SLC38A1: variants seen among roughly 807,000 people sequenced by gnomAD.
The protein encoded by SLC38A1 is solute carrier family 38 member 1.
In SLC38A1, 18 loss-of-function variants were observed where a neutral mutation model predicts 60.3. The observed-to-expected ratio is 0.30, with a 90% CI of 0.21 to 0.44. SLC38A1 has a LOEUF of 0.44. Ranked by LOEUF, SLC38A1 falls within the 20% of genes least tolerant of loss-of-function variation. SLC38A1 has a pLI of 1.00. For synonymous variants in SLC38A1, 196 were observed against 212.1 expected (o/e 0.92, Z 0.66); for missense variants, 448 against 587.2 (o/e 0.76, Z 2.45).
At chr12:46,210,151 G>A (rs550281085) in intron 5 of SLC38A1, among the ~76,000 whole-genome samples, 1 of 152,292 alleles carries the variant, frequency 6.6e-6, no homozygotes, top group South Asian at 2.1e-4. Context: ...CAGCACACCT[G>A]TTGAAGGCTG....
chr12:46,250,243 A>G (rs913020597), intron 1 of SLC38A1, among the ~76,000 whole-genome samples: 2 of 152,198 alleles, frequency 1.3e-5, no homozygotes, highest in African/African-American at 4.8e-5. Flanking sequence ...AAACCACATG[A>G]TTATCTCAAT....
chr12:46,209,247 T>A, intron 5 of SLC38A1, 120 bp from the exon 6 acceptor site: 1 of 612,666 alleles, frequency 1.6e-6, no homozygotes, highest in Admixed American at 3.6e-5. Flanking sequence ...AGTATCCAAA[T>A]TTTGGAACCT....
chr12:46,268,795 G>T lies in SLC38A1; in HGVS notation c.-478C>A, dbSNP rs1371887145. 2.5e-6 allele frequency: 1 copy of T among 399,634 alleles called. No homozygotes were observed. The highest frequency in any genetic ancestry group is 5.3e-6 in the Non-Finnish European group (1 of 189,870). 24.8% of individuals were successfully genotyped at this position (399,634 alleles called of 1,614,324 possible). A position where few individuals can be genotyped will look rare whatever the true frequency, so the allele number is the denominator to read the frequency against. On this transcript the variant is annotated 5_prime_UTR_variant, in exon 1 of 17. Coordinates refer to ENST00000398637, the MANE Select transcript of SLC38A1 (RefSeq NM_030674.4). This position sits in a 1 kb window ranked among gnomAD's most constrained non-coding sequence, Gnocchi z 4.4. ...CTCGCCTGGCTCTCCTCCTTTCCGG[G>T]CCGATTGCATCAGAATCTCCCCTCA...
chr12:46,256,617 A>G (rs541229718), intron 1 of SLC38A1, among the ~76,000 whole-genome samples: 1,850 of 106,586 alleles, frequency 0.017, 21 homozygotes, highest in Non-Finnish European at 0.025. Flanking sequence ...GCGCGCGCAC[A>G]CACACACACA....
At chr12:46,245,432 G>A (rs1326893135) in intron 1 of SLC38A1, among the ~76,000 whole-genome samples, 1 of 152,138 alleles carries the variant, frequency 6.6e-6, no homozygotes, top group Non-Finnish European at 1.5e-5. Flanking sequence ...ACAGCTCTTA[G>A]GACAGCCATT....
chr12:46,196,640 C>T (rs1228962811), intron 16 of SLC38A1, among the ~76,000 whole-genome samples: 3 of 152,152 alleles, frequency 2.0e-5, no homozygotes. Flanking sequence ...TGCTGCTTTT[C>T]CTAAATGCAC....
intron 1 of SLC38A1, among the ~76,000 whole-genome samples, chr12:46,253,793 T>G (rs1291159206): frequency 6.6e-6 from 1 of 152,150 alleles, no homozygotes; most frequent in Non-Finnish European, 1.5e-5. Flanking sequence ...CCCTTAATCC[T>G]AAGGGCTGCA....
intron 1 of SLC38A1, among the ~76,000 whole-genome samples, chr12:46,251,159 G>T (rs1404653868): frequency 2.0e-5 from 3 of 152,140 alleles, no homozygotes; most frequent in Non-Finnish European, 4.4e-5. Flanking sequence ...ATGGACCAAT[G>T]GAACAGAACA....
chr12:46,234,016 T>A (rs1045561863), intron 3 of SLC38A1, among the ~76,000 whole-genome samples: 1 of 152,222 alleles, frequency 6.6e-6, no homozygotes, highest in Non-Finnish European at 1.5e-5. Flanking sequence ...AAGATGGCAG[T>A]AGGAATTCAC....
chr12:46,189,849 C>T (rs1343900122), intron 16 of SLC38A1, among the ~76,000 whole-genome samples: 2 of 152,076 alleles, frequency 1.3e-5, no homozygotes, highest in East Asian at 1.9e-4. Context: ...TCCTTGTTTG[C>T]CCTCCGCTAT....
At chr12:46,210,177 C>T (rs1592089388) in intron 5 of SLC38A1, among the ~76,000 whole-genome samples, 1 of 152,194 alleles carries the variant, frequency 6.6e-6, no homozygotes, top group South Asian at 2.1e-4. Flanking sequence ...GGCCCCAGCT[C>T]AGATGCCAAC....
Position 46,256,288 on chromosome 12 carries a change from T to A in SLC38A1, c.-209+12238A>T, listed in dbSNP as rs1003675202. 2.6e-5 allele frequency among the ~76,000 whole-genome samples: 4 copies of A among 152,046 alleles called. No homozygotes were observed. The East Asian group carries it at 7.7e-4, about 29-fold the overall frequency. On this transcript the variant is annotated intron_variant, in intron 1 of 16. Transcript: ENST00000398637. Reference sequence around the variant, plus strand: ...TTATTTTACCAGTAATCTTTAAAACTGTTTTTATTTCCCAAAGATTACTTA... The same window carrying A: ...TTATTTTACCAGTAATCTTTAAAACAGTTTTTATTTCCCAAAGATTACTTA...
chr12:46,200,335 A>G (rs1027261201), intron 13 of SLC38A1, among the ~76,000 whole-genome samples: 20 of 152,050 alleles, frequency 1.3e-4, no homozygotes, highest in African/African-American at 4.8e-4. Context: ...GTCCCAAAGA[A>G]TTATTATTTA....
At chr12:46,199,921 C>A (rs531778578) in intron 13 of SLC38A1, among the ~76,000 whole-genome samples, 1 of 152,192 alleles carries the variant, frequency 6.6e-6, no homozygotes, top group Non-Finnish European at 1.5e-5. Flanking sequence ...TAATACCAAT[C>A]TCACTAGTTC....
chr12:46,252,973 A>C (rs1167359543), intron 1 of SLC38A1, among the ~76,000 whole-genome samples: 1 of 148,364 alleles, frequency 6.7e-6, no homozygotes, highest in South Asian at 2.2e-4. Context: ...GCATGATCTC[A>C]TGTATACATG....
chr12:46,204,711 T>C lies in SLC38A1; in HGVS notation c.647-121A>G, dbSNP rs962747329. On this transcript the variant is annotated intron_variant, in intron 9 of 16. Coordinates refer to ENST00000398637, the MANE Select transcript of SLC38A1 (RefSeq NM_030674.4). ...TCACCTCACTTATTTCAGTGCATTA[T>C]TTGAAGCATATTTTAGAGATCCAAT... 3 of 670,060 alleles carry C rather than the reference T, an allele frequency of 4.5e-6. No individual in the cohort carries two copies. In the African/African-American group the frequency reaches 5.5e-5, roughly 12 times the overall value. 41.5% of individuals were successfully genotyped at this position (670,060 alleles called of 1,614,324 possible). A position where few individuals can be genotyped will look rare whatever the true frequency, so the allele number is the denominator to read the frequency against.
At chr12:46,202,383 C>T (rs887439135) in intron 12 of SLC38A1, among the ~76,000 whole-genome samples, 2 of 152,020 alleles carry the variant, frequency 1.3e-5, no homozygotes, top group Non-Finnish European at 2.9e-5. Context: ...TTAAGATACG[C>T]TATTGTGACT....
At chr12:46,259,253 G>GTT (rs148860944) in intron 1 of SLC38A1, among the ~76,000 whole-genome samples, 3,479 of 152,226 alleles carry the variant, frequency 0.023, 100 homozygotes, top group Non-Finnish European at 0.029. Flanking sequence ...GACTGTGTCT[G>GTT]TTTACCCACT....
At chr12:46,217,139 A>G (rs775392049) in intron 5 of SLC38A1, among the ~76,000 whole-genome samples, 3 of 152,168 alleles carry the variant, frequency 2.0e-5, no homozygotes, top group Non-Finnish European at 4.4e-5. Context: ...GCACTTTTTA[A>G]AATACTTCAC....
Sources: gnomAD v4.1 joint callset for allele counts (sites outside exome capture counted in the v4.1 genomes callset) on GRCh38, gnomAD v4.1.1 for gene constraint, Gnocchi (gnomAD v3.1) non-coding constraint, MANE v1.5 for transcripts, NCBI Gene and HGNC (gene_info 2026-07-23, HGNC 2026-07-21) for gene names.